Variants in CSNK1G1 observed in about 807,000 individuals in gnomAD.
The protein encoded by CSNK1G1 is casein kinase 1 gamma 1.
In CSNK1G1, 22 loss-of-function variants were observed where a neutral mutation model predicts 59.6. The ratio of observed to expected loss-of-function variants is 0.37; its 90% CI spans 0.26 to 0.53. CSNK1G1 has a LOEUF of 0.53. Among genes scored for constraint, CSNK1G1 ranks in the 20% least tolerant of loss-of-function variants. The probability of loss-of-function intolerance (pLI) is 0.89; values close to 1 mark genes in which losing one functional copy is unlikely to be tolerated. For missense variants in CSNK1G1, 384 were observed against 519.5 expected, an observed-to-expected ratio of 0.74 and a Z score of 2.54; for synonymous variants, 179 against 177.1, an observed-to-expected ratio of 1.01 and a Z score of -0.08.
At chr15:64,275,808 T>C (rs772063711) in intron 2 of CSNK1G1, among the ~76,000 whole-genome samples, 14 of 152,276 alleles carry the variant, frequency 9.2e-5, no homozygotes, top group Non-Finnish European at 1.8e-4. Flanking sequence ...AAGGATAAAA[T>C]ATTATTTCAT....
chr15:64,309,635 G>C lies in CSNK1G1; in HGVS notation c.-224-8912C>G, dbSNP rs934649344. On this transcript the variant is annotated intron_variant, in intron 1 of 11. Coordinates refer to ENST00000303052, the MANE Select transcript of CSNK1G1 (RefSeq NM_022048.5). ...GGTGCTAAAAGGAGTACATAAGAAG[G>C]GCATTGTAATTGCTTGTTTTGGGAA... 7.9e-5 allele frequency among the ~76,000 whole-genome samples: 12 copies of C among 152,104 alleles called. 1 individual carries two copies. Among genetic ancestry groups the C allele is most frequent in the Admixed American group, 7.2e-4 (11 of 15,252 alleles).
chr15:64,285,321 A>G (rs1468210990), intron 2 of CSNK1G1, among the ~76,000 whole-genome samples: 1 of 152,192 alleles, frequency 6.6e-6, no homozygotes. Context: ...ATACCTGAAC[A>G]AAGTCTTTGT....
intron 2 of CSNK1G1, among the ~76,000 whole-genome samples, chr15:64,269,528 C>G (rs191432306): frequency 7.1e-6 from 1 of 140,464 alleles, no homozygotes; most frequent in East Asian, 2.0e-4. Context: ...GAGTCTTGCT[C>G]TGTGGCCCAG....
intron 4 of CSNK1G1, among the ~76,000 whole-genome samples, chr15:64,231,202 T>G (rs946828514): frequency 3.6e-5 from 5 of 139,158 alleles, no homozygotes; most frequent in African/African-American, 1.6e-4. Context: ...GATGTATGCC[T>G]GTGGTCCCAG....
At chr15:64,286,708 T>G (rs1894442315) in intron 2 of CSNK1G1, among the ~76,000 whole-genome samples, 1 of 152,146 alleles carries the variant, frequency 6.6e-6, no homozygotes, top group South Asian at 2.1e-4. Flanking sequence ...AATAAATGGC[T>G]AGGTAATTAT....
At chr15:64,326,592 T>A (rs1425698288) in intron 1 of CSNK1G1, among the ~76,000 whole-genome samples, 1 of 150,638 alleles carries the variant, frequency 6.6e-6, no homozygotes, top group African/African-American at 2.4e-5. Context: ...TGCAGGGAGC[T>A]GAGATCACGC....
chr15:64,172,226 T>A (rs1463676014), intron 11 of CSNK1G1, among the ~76,000 whole-genome samples: 1 of 152,150 alleles, frequency 6.6e-6, no homozygotes, highest in Non-Finnish European at 1.5e-5. Flanking sequence ...TGGTGCAGGC[T>A]AGGCAGGGCT....
chr15:64,287,743 T>C (rs1894506083), intron 2 of CSNK1G1, among the ~76,000 whole-genome samples: 1 of 152,174 alleles, frequency 6.6e-6, no homozygotes, highest in Admixed American at 6.5e-5. Context: ...TTAATTATCT[T>C]TTCAGTCACC....
At chr15:64,346,852 C>G (rs1031407462) in intron 1 of CSNK1G1, among the ~76,000 whole-genome samples, 4 of 151,966 alleles carry the variant, frequency 2.6e-5, no homozygotes, top group Non-Finnish European at 4.4e-5. Context: ...CTATGAAAGG[C>G]ACTATTAAGA....
At chr15:64,206,007 A>G (rs1301847747) in intron 7 of CSNK1G1, among the ~76,000 whole-genome samples, 1 of 152,156 alleles carries the variant, frequency 6.6e-6, no homozygotes, top group Non-Finnish European at 1.5e-5. Context: ...ATAAATTACA[A>G]CCAAAAAATA....
At chr15:64,331,204 A>G (rs1430338836) in intron 1 of CSNK1G1, among the ~76,000 whole-genome samples, 1 of 137,668 alleles carries the variant, frequency 7.3e-6, no homozygotes, top group Non-Finnish European at 1.6e-5. Context: ...ACCAAAAAAG[A>G]GCCCGCATTG....
intron 1 of CSNK1G1, among the ~76,000 whole-genome samples, chr15:64,333,796 T>C (rs1182683966): frequency 6.6e-6 from 1 of 152,050 alleles, no homozygotes; most frequent in African/African-American, 2.4e-5. Flanking sequence ...AAACAACAGT[T>C]TAAAAAGACA....
intron 2 of CSNK1G1, among the ~76,000 whole-genome samples, chr15:64,261,379 T>C (rs1892679560): frequency 6.6e-6 from 1 of 152,064 alleles, no homozygotes; most frequent in South Asian, 2.1e-4. Context: ...GGTGGGTGGA[T>C]CACCTGAGGT....
chr15:64,339,289 C>G (rs554635399), intron 1 of CSNK1G1, among the ~76,000 whole-genome samples: 2 of 152,170 alleles, frequency 1.3e-5, no homozygotes, highest in East Asian at 3.9e-4. Context: ...GACCAGCAAT[C>G]TGTGTTTTTT....
chr15:64,184,558 T>C lies in CSNK1G1; in HGVS notation c.1108-4104A>G, dbSNP rs142134366. Among the ~76,000 whole-genome samples the C allele has an allele frequency of 5.1e-3, 769 of 150,540 alleles. 10 individuals carry two copies. Among genetic ancestry groups the C allele is most frequent in the African/African-American group, 0.017 (714 of 40,884 alleles). ...TGGGCGTGGTGGCGGGCGCCTGTAA[T>C]CCCAGCTACTCAGGAGGCTGAGGCA... On this transcript the variant is annotated intron_variant, in intron 10 of 11. Transcript: ENST00000303052.
chr15:64,220,629 T>C (rs1262850113), intron 4 of CSNK1G1, among the ~76,000 whole-genome samples: 2 of 152,084 alleles, frequency 1.3e-5, no homozygotes, highest in Non-Finnish European at 1.5e-5. Flanking sequence ...CCTGAGTAGC[T>C]GGGACTACAG....
intron 10 of CSNK1G1, among the ~76,000 whole-genome samples, chr15:64,182,484 C>G (rs956436168): frequency 3.3e-5 from 5 of 152,164 alleles, no homozygotes; most frequent in Admixed American, 2.6e-4. Context: ...AGGCATATTG[C>G]ATTGGTTAAT....
chr15:64,194,517 C>CTTTTTTTTTTTT (rs374224209), intron 10 of CSNK1G1, among the ~76,000 whole-genome samples: 1 of 128,328 alleles, frequency 7.8e-6, no homozygotes, highest in African/African-American at 3.0e-5. Context: ...CTTTTCTTTT[C>CTTTTTTTTTTTT]TTTTTTTTTT....
chr15:64,254,086 G>C (rs1247485099), intron 3 of CSNK1G1, among the ~76,000 whole-genome samples: 1 of 152,106 alleles, frequency 6.6e-6, no homozygotes, highest in Non-Finnish European at 1.5e-5. Context: ...ACTGCAGCAA[G>C]CCTAGATCGC....
Sources: gnomAD v4.1 joint callset for allele counts (sites outside exome capture counted in the v4.1 genomes callset) on GRCh38, gnomAD v4.1.1 for gene constraint, MANE v1.5 for transcripts, NCBI Gene and HGNC (gene_info 2026-07-23, HGNC 2026-07-21) for gene names.